SHC4: variants seen among roughly 807,000 people sequenced by gnomAD.
SHC4 encodes SHC adaptor protein 4.
SHC4 carries 41 observed loss-of-function variants against 69.4 expected under a neutral mutation model. That is an observed-to-expected ratio of 0.59 (90% CI 0.46 to 0.77). The LOEUF (loss-of-function observed/expected upper bound fraction) is 0.77. SHC4 is among the 30% of genes least tolerant of loss of function. The probability of loss-of-function intolerance (pLI) is 0.00; values close to 1 mark genes in which losing one functional copy is unlikely to be tolerated. For synonymous variants in SHC4, 318 were observed against 299.3 expected, an observed-to-expected ratio of 1.06 and a Z score of -0.64; for missense variants, 777 against 783.8, an observed-to-expected ratio of 0.99 and a Z score of 0.10.
At chr15:48,835,305 C>T (rs1045033390) in intron 10 of SHC4, among the ~76,000 whole-genome samples, 2 of 152,124 alleles carry the variant, frequency 1.3e-5, no homozygotes, top group African/African-American at 2.4e-5. Flanking sequence ...CCCATGAGAA[C>T]AGCTTTTATA....
At chr15:48,917,081 T>G (rs906013208) in intron 2 of SHC4, among the ~76,000 whole-genome samples, 1 of 152,230 alleles carries the variant, frequency 6.6e-6, no homozygotes, top group Non-Finnish European at 1.5e-5. Flanking sequence ...GGGTTTACCC[T>G]GATGTGTCTA....
intron 1 of SHC4, among the ~76,000 whole-genome samples, chr15:48,943,160 G>A (rs1901205094): frequency 6.6e-6 from 1 of 152,102 alleles, no homozygotes; most frequent in Non-Finnish European, 1.5e-5. Flanking sequence ...ACAATCCAAT[G>A]TTACTAACAA....
chr15:48,866,664 C>A (rs995504769), intron 6 of SHC4, among the ~76,000 whole-genome samples: 1 of 152,200 alleles, frequency 6.6e-6, no homozygotes. Flanking sequence ...ATGCCTTTTA[C>A]GCTTTTACAT....
intron 10 of SHC4, among the ~76,000 whole-genome samples, chr15:48,835,927 C>T (rs777205623): frequency 1.3e-4 from 19 of 149,064 alleles, no homozygotes; most frequent in Non-Finnish European, 1.9e-4. Flanking sequence ...CCTGTTATCC[C>T]AGCACTTTGG....
At position 48,867,827 on chromosome 15, in the gene SHC4, T is replaced by G; in HGVS notation, c.937A>C (p.Asn313His). 1 of 1,613,660 alleles carries G rather than the reference T, an allele frequency of 6.2e-7. No homozygotes were observed. ...AAGTTGCTTTCCATACCTCGTTGAT[T>G]AACTGGATCTTTAGCTACGTAGGCA... is the stretch of plus-strand genomic sequence containing the variant. ...YVAYVAKDPV[N>H]QRACHILECH... The change falls in exon 6 of 12, where the codon AAT becomes CAT. Residue 313 changes from asparagine to histidine, a missense_variant. Coordinates refer to ENST00000332408, the MANE Select transcript of SHC4 (RefSeq NM_203349.4).
At chr15:48,882,117 T>C (rs924831656) in intron 4 of SHC4, among the ~76,000 whole-genome samples, 12 of 152,308 alleles carry the variant, frequency 7.9e-5, no homozygotes, top group Middle Eastern at 3.4e-3. Flanking sequence ...AATTAATCCT[T>C]TTCTTGTGCT....
In SHC4 at chr15:48,824,684, G is replaced by A. The variant is rs1898652814; in HGVS notation, c.*1287C>T. 1 of 152,150 alleles carries A rather than the reference G, an allele frequency of 6.6e-6. No individual in the cohort carries two copies. Among genetic ancestry groups the A allele is most frequent in the Non-Finnish European group, 1.5e-5 (1 of 68,006 alleles). 9.4% of individuals were successfully genotyped at this position (152,150 alleles called of 1,614,324 possible). On this transcript the variant is annotated 3_prime_UTR_variant, in exon 12 of 12. Transcript: ENST00000332408. ...TTATCAATAACGACCTCTAACAAAT[G>A]AAAAACTTGCTTTTTAGAGACTCAT...
intron 4 of SHC4, chr15:48,876,456 C>T (rs1037841929): frequency 2.5e-4 from 82 of 328,938 alleles, no homozygotes; most frequent in East Asian, 7.3e-4. Context: ...TATATATACA[C>T]ACACACACAC....
chr15:48,886,046 CAGG>C (rs1283137506), intron 3 of SHC4, among the ~76,000 whole-genome samples: 2 of 152,198 alleles, frequency 1.3e-5, no homozygotes, highest in Non-Finnish European at 2.9e-5. Context: ...ATCATGAAGT[CAGG>C]AGTTCGAGAC....
At chr15:48,949,835 T>G (rs1332054101) in intron 1 of SHC4, among the ~76,000 whole-genome samples, 1 of 146,108 alleles carries the variant, frequency 6.8e-6, no homozygotes, top group Non-Finnish European at 1.5e-5. Context: ...ATATATAAAT[T>G]ATGTAATATT....
intron 2 of SHC4, among the ~76,000 whole-genome samples, chr15:48,898,320 C>A (rs1253064299): frequency 2.0e-5 from 3 of 152,206 alleles, no homozygotes; most frequent in Admixed American, 2.0e-4. Flanking sequence ...AAATGGAAAG[C>A]CTCAGACTTG....
At chr15:48,828,313 T>C (rs906693767) in intron 11 of SHC4, among the ~76,000 whole-genome samples, 5 of 152,160 alleles carry the variant, frequency 3.3e-5, no homozygotes, top group Admixed American at 6.5e-5. Context: ...TTGAGAACAC[T>C]GTAGCATAGG....
intron 4 of SHC4, chr15:48,879,208 G>A (rs1219209443): frequency 5.9e-6 from 1 of 169,220 alleles, no homozygotes; most frequent in Non-Finnish European, 1.4e-5. Flanking sequence ...AGAAAACTTG[G>A]AAAATTCTAT....
intron 6 of SHC4, among the ~76,000 whole-genome samples, chr15:48,867,367 T>G (rs1165326129): frequency 1.3e-5 from 2 of 152,276 alleles, no homozygotes; most frequent in South Asian, 4.1e-4. Context: ...GAAATCCATA[T>G]GATGAAGTCA....
chr15:48,916,331 A>C (rs1408271350), intron 2 of SHC4, among the ~76,000 whole-genome samples: 5 of 151,260 alleles, frequency 3.3e-5, no homozygotes, highest in African/African-American at 1.2e-4. Flanking sequence ...AGAAGTATGC[A>C]TTTGTCATTA....
chr15:48,929,470 T>G (rs1900914876), intron 1 of SHC4, among the ~76,000 whole-genome samples: 1 of 152,212 alleles, frequency 6.6e-6, no homozygotes, highest in Admixed American at 6.5e-5. Flanking sequence ...AATTGAAGCC[T>G]ATTAAAGAGA....
At chr15:48,961,847 A>G (rs900493896) in intron 1 of SHC4, among the ~76,000 whole-genome samples, 2 of 152,232 alleles carry the variant, frequency 1.3e-5, no homozygotes, top group African/African-American at 2.4e-5. Flanking sequence ...TACTTGCTGC[A>G]GCGTAGGCAG....
In SHC4 at chr15:48,851,176, C is replaced by T. The variant is rs769975009; in HGVS notation, c.1303+12G>A. On this transcript the variant is annotated intron_variant, in intron 9 of 11. Transcript: ENST00000332408. Reference sequence around the variant, plus strand: ...AAGGAGGGTGGCAGATGGAGAAGGGCATTGTACCTACCTATTGCCCTGCTT... The same window carrying T: ...AAGGAGGGTGGCAGATGGAGAAGGGTATTGTACCTACCTATTGCCCTGCTT... 7.4e-6 allele frequency: 12 copies of T among 1,613,372 alleles called. No homozygotes were observed. The African/African-American group carries it at 1.5e-4, about 20-fold the overall frequency.
rs549598241 is a variant in SHC4, at chr15:48,896,475, C to T, written c.657-5664G>A. The stretch of plus-strand genomic sequence containing the variant: ...AGCTGGAATTACAGGTGCCTGCCAC[C>T]ATGCCCGGCTAATTTTTGTATTTTT... On this transcript the variant is annotated intron_variant, in intron 2 of 11. Coordinates refer to ENST00000332408, the MANE Select transcript of SHC4 (RefSeq NM_203349.4). Among the ~76,000 whole-genome samples, 4 of 152,236 alleles carry T rather than the reference C, an allele frequency of 2.6e-5. No individual in the cohort carries two copies. The South Asian group carries it at 8.3e-4, about 32-fold the overall frequency.
Sources: gnomAD v4.1 joint callset for allele counts (sites outside exome capture counted in the v4.1 genomes callset) on GRCh38, gnomAD v4.1.1 for gene constraint, MANE v1.5 for transcripts, NCBI Gene and HGNC (gene_info 2026-07-23, HGNC 2026-07-21) for gene names.